The following FEZ2 variants were observed in gnomAD, a reference collection of about 807,000 sequenced individuals.
FEZ2 encodes the protein fasciculation and elongation protein zeta 2.
Under a neutral mutation model 40.4 loss-of-function variants are expected in FEZ2, and 51 were observed. The observed-to-expected ratio is 1.26, with a 90% CI of 1.01 to 1.59. The LOEUF (loss-of-function observed/expected upper bound fraction) is 1.59, where lower values mean the gene tolerates loss of function less well. Ranked by LOEUF, FEZ2 falls within the 40% of genes most tolerant of loss-of-function variation. The probability of loss-of-function intolerance (pLI) is 0.00; values close to 1 mark genes in which losing one functional copy is unlikely to be tolerated. For synonymous variants in FEZ2, 242 were observed against 172.0 expected (o/e 1.41, Z -3.18); for missense variants, 640 against 438.3 (o/e 1.46, Z -4.11).
chr2:36,588,195 A>T (rs1031403448), intron 2 of FEZ2, among the ~76,000 whole-genome samples: 8 of 151,754 alleles, frequency 5.3e-5, no homozygotes, highest in African/African-American at 1.9e-4. Flanking sequence ...CGCCTGGCTA[A>T]TTTTGTATTT....
intron 4 of FEZ2, chr2:36,579,214 G>T: frequency 4.9e-6 from 1 of 202,862 alleles, no homozygotes; most frequent in East Asian, 1.2e-4. Context: ...AAAGTCGAGG[G>T]AAAGTACAGA....
chr2:36,555,644 A>C (rs762480534), intron 7 of FEZ2, 39 bp downstream of exon 7: 3 of 1,215,560 alleles, frequency 2.5e-6, no homozygotes, highest in Non-Finnish European at 3.5e-6. Flanking sequence ...ACTAATCCAA[A>C]CCTCCCAGCC....
rs1458681213 is a variant in FEZ2 at position 36,552,698 on chromosome 2, ATC to A, written c.*463_*464del. The stretch of plus-strand genomic sequence containing the variant: ...AGAACAGCCCGTTTATTCTGTTTCA[ATC>A]TCTCTGAACAATACTGGTAGGTAAT... On this transcript the variant is annotated 3_prime_UTR_variant, in exon 8 of 8. Transcript: ENST00000405912. 3 of 200,966 alleles carry A rather than the reference ATC, an allele frequency of 1.5e-5. No individual in the cohort carries two copies. Among genetic ancestry groups the A allele is most frequent in the Non-Finnish European group, 1.0e-5 (1 of 98,170 alleles). The allele number at this position is 200,966 out of a possible 1,614,324, so 12.4% of individuals were successfully genotyped here.
chr2:36,572,302 G>C (rs1250344140), intron 5 of FEZ2, among the ~76,000 whole-genome samples: 1 of 152,100 alleles, frequency 6.6e-6, no homozygotes, highest in Non-Finnish European at 1.5e-5. Context: ...TATCACTCAG[G>C]CTGCTGCTGA....
At chr2:36,569,467 A>G (rs945534374) in intron 5 of FEZ2, among the ~76,000 whole-genome samples, 1 of 152,272 alleles carries the variant, frequency 6.6e-6, no homozygotes, top group Non-Finnish European at 1.5e-5. Flanking sequence ...GCACAGAATC[A>G]GCAAAAAAGC....
In FEZ2 at chr2:36,552,278, T is replaced by A; in HGVS notation, c.*885A>T. On this transcript the variant is annotated 3_prime_UTR_variant, in exon 8 of 8. Coordinates refer to ENST00000405912, the MANE Select transcript of FEZ2 (RefSeq NM_005102.3). Reference sequence around the variant, plus strand: ...ATGTATTTTTACTTCTTAAAAAATTTATTAAATGCCATTGATTTGACTGGA... The same window carrying A: ...ATGTATTTTTACTTCTTAAAAAATTAATTAAATGCCATTGATTTGACTGGA... 2.2e-6 allele frequency: 1 copy of A among 446,880 alleles called. No individual in the cohort carries two copies. Among genetic ancestry groups the A allele is most frequent in the South Asian group, 1.7e-5 (1 of 60,334 alleles). 27.7% of individuals were successfully genotyped at this position (446,880 alleles called of 1,614,324 possible). A position where few individuals can be genotyped will look rare whatever the true frequency, so the allele number is the denominator to read the frequency against.
intron 2 of FEZ2, among the ~76,000 whole-genome samples, chr2:36,584,668 G>A (rs1005265899): frequency 2.6e-5 from 4 of 152,146 alleles, no homozygotes; most frequent in Non-Finnish European, 5.9e-5. Flanking sequence ...ATTACATAGT[G>A]TAGAACTAAC....
At chr2:36,585,934 A>C (rs891050392) in intron 2 of FEZ2, among the ~76,000 whole-genome samples, 2 of 152,266 alleles carry the variant, frequency 1.3e-5, no homozygotes, top group Non-Finnish European at 2.9e-5. Context: ...ATCTGCTAAA[A>C]GAAATAGCTG....
At chr2:36,593,144 A>T (rs1669117636) in intron 1 of FEZ2, among the ~76,000 whole-genome samples, 1 of 152,258 alleles carries the variant, frequency 6.6e-6, no homozygotes, top group Admixed American at 6.5e-5. Context: ...GACTGGGACG[A>T]AAAAGAGGTT....
chr2:36,574,579 A>G (rs912841151), intron 5 of FEZ2, among the ~76,000 whole-genome samples: 1 of 152,144 alleles, frequency 6.6e-6, no homozygotes, highest in Non-Finnish European at 1.5e-5. Flanking sequence ...TCTGCATCGG[A>G]CAGAGTCATC....
intron 2 of FEZ2, among the ~76,000 whole-genome samples, chr2:36,584,866 A>C (rs1383723959): frequency 2.6e-5 from 4 of 152,198 alleles, no homozygotes; most frequent in Non-Finnish European, 4.4e-5. Flanking sequence ...CCAAGGGAAG[A>C]AGCACTGGCA....
In FEZ2 at chr2:36,555,767, G is replaced by GA. The variant is rs1667943211; in HGVS notation, c.980-20dup. 6.9e-7 allele frequency: 1 copy of GA among 1,447,468 alleles called. No individual in the cohort carries two copies. The highest frequency in any genetic ancestry group is 9.5e-7 in the Non-Finnish European group (1 of 1,057,162). The allele number at this position is 1,447,468 out of a possible 1,614,324, so 89.7% of individuals were successfully genotyped here. A position where few individuals can be genotyped will look rare whatever the true frequency, so the allele number is the denominator to read the frequency against. On this transcript the variant is annotated intron_variant, in intron 6 of 7. Transcript: ENST00000405912. ...CGAAGAACTGCAAAATAGAAGAGGGGAAAAAAGACAACAATTAAAAATTTA... is the reference window on the plus strand; with the variant it reads ...CGAAGAACTGCAAAATAGAAGAGGGGAAAAAAAGACAACAATTAAAAATTTA...
chr2:36,573,715 C>A (rs1250696626), intron 5 of FEZ2, among the ~76,000 whole-genome samples: 5 of 152,304 alleles, frequency 3.3e-5, no homozygotes, highest in African/African-American at 9.6e-5. Flanking sequence ...AGTATGTGTA[C>A]CCTCACAAAT....
chr2:36,594,261 G>A (rs1336094636), intron 1 of FEZ2, among the ~76,000 whole-genome samples: 1 of 151,920 alleles, frequency 6.6e-6, no homozygotes, highest in Non-Finnish European at 1.5e-5. Flanking sequence ...ATCTCTACCT[G>A]TTCCCCAGTT....
Position 36,594,427 on chromosome 2 carries a change from T to TG in FEZ2, c.267-3417dup, listed in dbSNP as rs1669154607. On this transcript the variant is annotated intron_variant, in intron 1 of 7. Transcript: ENST00000405912. The stretch of plus-strand genomic sequence containing the variant: ...AATTGGACTTACAGTTCCACATGGC[T>TG]GGGGAGGCCTCAGAATCATGGCAGG... 3.7e-5 allele frequency: 7 copies of TG among 189,334 alleles called. No homozygotes were observed. In the South Asian group the frequency reaches 8.5e-4, roughly 23 times the overall value. 11.7% of individuals were successfully genotyped at this position (189,334 alleles called of 1,614,324 possible). A position where few individuals can be genotyped will look rare whatever the true frequency, so the allele number is the denominator to read the frequency against.
chr2:36,595,476 A>G (rs568034246), intron 1 of FEZ2, among the ~76,000 whole-genome samples: 1 of 152,268 alleles, frequency 6.6e-6, no homozygotes, highest in South Asian at 2.1e-4. Flanking sequence ...GCCGTGGCTG[A>G]TCTGACAGGA....
intron 5 of FEZ2, among the ~76,000 whole-genome samples, chr2:36,568,234 A>T (rs1375769145): frequency 1.3e-5 from 2 of 152,126 alleles, no homozygotes; most frequent in East Asian, 1.9e-4. Context: ...CATTTCTTTG[A>T]TAACATTTCT....
chr2:36,578,778 T>TG lies in FEZ2; in HGVS notation c.721dup (p.Gln241ProfsTer8). On this transcript the variant is annotated frameshift_variant, in exon 5 of 8. Transcript: ENST00000405912. LOFTEE classifies it high-confidence loss of function. ...CAGTTCATCTCGTAAAGCCAACTGC[T>TG]GCACCAGCTCCTCAGAGTACTCCTT... 2 of 1,614,018 alleles carry TG rather than the reference T, an allele frequency of 1.2e-6. No homozygotes were observed. The highest frequency in any genetic ancestry group is 1.7e-6 in the Non-Finnish European group (2 of 1,179,866).
At chr2:36,577,685 C>T (rs975362671) in intron 5 of FEZ2, among the ~76,000 whole-genome samples, 1 of 152,214 alleles carries the variant, frequency 6.6e-6, no homozygotes, top group South Asian at 2.1e-4. Context: ...ATTGGTGGCC[C>T]ACCATCCTAG....
Sources: gnomAD v4.1 joint callset for allele counts (sites outside exome capture counted in the v4.1 genomes callset) on GRCh38, gnomAD v4.1.1 for gene constraint, MANE v1.5 for transcripts, NCBI Gene and HGNC (gene_info 2026-07-23, HGNC 2026-07-21) for gene names.